Variants in PSPC1 observed in about 807,000 individuals in gnomAD.
PSPC1 encodes paraspeckle component 1, also known as paraspeckle protein 1.
A neutral mutation model predicts 51.6 loss-of-function variants in PSPC1; 14 were observed. The ratio of observed to expected loss-of-function variants is 0.27; its 90% CI spans 0.18 to 0.42. The LOEUF (loss-of-function observed/expected upper bound fraction) is 0.42, where lower values mean the gene tolerates loss of function less well. PSPC1 is among the 10% of genes least tolerant of loss of function. The pLI is 1.00. For missense variants in PSPC1, 406 were observed against 701.1 expected (o/e 0.58, Z 4.75); for synonymous variants, 193 against 231.9 (o/e 0.83, Z 1.53).
chr13:19,744,081 C>T (rs1245905880), intron 4 of PSPC1, among the ~76,000 whole-genome samples: 2 of 152,126 alleles, frequency 1.3e-5, no homozygotes, highest in African/African-American at 4.8e-5. Flanking sequence ...GCACTCCAGC[C>T]TGGGCAACAA....
At chr13:19,770,553 C>G (rs965495542) in intron 2 of PSPC1, among the ~76,000 whole-genome samples, 2 of 151,564 alleles carry the variant, frequency 1.3e-5, no homozygotes, top group African/African-American at 4.8e-5. Context: ...TTTGGGAGGC[C>G]AAGGTGGGTG....
At position 19,736,421 on chromosome 13, in the gene PSPC1, A is replaced by T. The variant is rs145173572; in HGVS notation, c.1052+5144T>A. ...TCTTCAGGCCACGCACAGTGGCTCA[A>T]GCCTGTAATCCCAGCACTTTGGGAG... On this transcript the variant is annotated intron_variant, in intron 5 of 8. Coordinates refer to ENST00000338910, the MANE Select transcript of PSPC1 (RefSeq NM_001354909.2). Among the ~76,000 whole-genome samples the T allele has an allele frequency of 8.0e-3, 1,217 of 152,050 alleles. 13 individuals are homozygous for T. The highest frequency in any genetic ancestry group is 0.028 in the African/African-American group (1,158 of 41,488).
intron 6 of PSPC1, among the ~76,000 whole-genome samples, chr13:19,697,000 G>A (rs1745186675): frequency 6.6e-6 from 1 of 152,164 alleles, no homozygotes; most frequent in East Asian, 1.9e-4. Context: ...GACTTTTGCA[G>A]TGCTTATCAA....
intron 5 of PSPC1, among the ~76,000 whole-genome samples, chr13:19,730,846 C>G (rs1197454777): frequency 6.7e-6 from 1 of 150,276 alleles, no homozygotes; most frequent in Non-Finnish European, 1.5e-5. Context: ...ACTCGAGAGG[C>G]TGAGGCACCA....
At chr13:19,773,596 CTTTTT>C (rs1346653121) in intron 1 of PSPC1, among the ~76,000 whole-genome samples, 7 of 151,970 alleles carry the variant, frequency 4.6e-5, no homozygotes, top group African/African-American at 1.7e-4. Context: ...ATCACCTTTT[CTTTTT>C]ATTTTCATTT....
chr13:19,748,593 T>C (rs1478695380), intron 4 of PSPC1, among the ~76,000 whole-genome samples: 1 of 152,136 alleles, frequency 6.6e-6, no homozygotes, highest in Non-Finnish European at 1.5e-5. Context: ...CATCAATATA[T>C]CCTCAGTACC....
chr13:19,706,939 A>G (rs188830814), intron 7 of PSPC1, among the ~76,000 whole-genome samples: 1 of 152,300 alleles, frequency 6.6e-6, no homozygotes, highest in Admixed American at 6.5e-5. Context: ...TATTTCCTTC[A>G]TCCCCAAATG....
chr13:19,674,379 G>T (rs1189360498), downstream of PSPC1, among the ~76,000 whole-genome samples: 3 of 152,178 alleles, frequency 2.0e-5, no homozygotes, highest in African/African-American at 4.8e-5. Flanking sequence ...AGTAAATCCT[G>T]TATTGATTCT....
chr13:19,761,720 G>A (rs539436418), intron 2 of PSPC1, among the ~76,000 whole-genome samples: 3 of 152,204 alleles, frequency 2.0e-5, no homozygotes, highest in East Asian at 3.9e-4. Context: ...CTTAAGATGT[G>A]GTACTTCTAA....
intron 5 of PSPC1, among the ~76,000 whole-genome samples, chr13:19,741,167 C>T (rs912670337): frequency 6.6e-6 from 1 of 152,126 alleles, no homozygotes; most frequent in African/African-American, 2.4e-5. Context: ...AGCTACTGCC[C>T]CCAGCCTCAG....
intron 2 of PSPC1, among the ~76,000 whole-genome samples, chr13:19,766,855 G>A (rs1217655173): frequency 8.1e-5 from 12 of 148,284 alleles, no homozygotes; most frequent in African/African-American, 2.7e-4. Context: ...ACATTGCCTC[G>A]AGGAAAAAAA....
chr13:19,709,738 T>C (rs1319494185), intron 6 of PSPC1, 139 bp from the exon 7 acceptor site: 9 of 703,018 alleles, frequency 1.3e-5, no homozygotes, highest in Non-Finnish European at 2.1e-5. Flanking sequence ...ATCATAAACT[T>C]AATAAGAATG....
chr13:19,690,306 T>C (rs1019220175), intron 6 of PSPC1, among the ~76,000 whole-genome samples: 12 of 152,232 alleles, frequency 7.9e-5, no homozygotes, highest in African/African-American at 2.9e-4. Context: ...TGATCACCTA[T>C]AGAAACTATA....
At chr13:19,716,671 C>G (rs927377369) in intron 6 of PSPC1, among the ~76,000 whole-genome samples, 4 of 151,932 alleles carry the variant, frequency 2.6e-5, no homozygotes, top group Admixed American at 6.6e-5. Context: ...ATATATAATT[C>G]TAGAGAAAAA....
At position 19,738,348 on chromosome 13, in the gene PSPC1, C is replaced by T. The variant is rs185802267; in HGVS notation, c.1052+3217G>A. The stretch of plus-strand genomic sequence containing the variant: ...GCAGGGGATTGGTTCCAGAACCTCC[C>T]CCAGATACCAGAATCCACTGATGCT... On this transcript the variant is annotated intron_variant, in intron 5 of 8. Coordinates refer to ENST00000338910, the MANE Select transcript of PSPC1 (RefSeq NM_001354909.2). Among the ~76,000 whole-genome samples the T allele has an allele frequency of 1.3e-3, 197 of 152,152 alleles. 1 individual carries two copies. The highest frequency in any genetic ancestry group is 4.5e-3 in the African/African-American group (185 of 41,522).
intron 6 of PSPC1, among the ~76,000 whole-genome samples, chr13:19,691,825 G>A (rs1248556575): frequency 1.3e-5 from 2 of 152,092 alleles, no homozygotes; most frequent in Admixed American, 6.5e-5. Context: ...GGCTGAGGCA[G>A]GACAATCACT....
chr13:19,776,039 A>C (rs1889087036), intron 1 of PSPC1, among the ~76,000 whole-genome samples: 2 of 152,088 alleles, frequency 1.3e-5, no homozygotes, highest in African/African-American at 4.8e-5. Context: ...TGACAGAGCA[A>C]GACTCCATCT....
At chr13:19,693,601 A>G (rs970393455) in intron 6 of PSPC1, among the ~76,000 whole-genome samples, 7 of 152,248 alleles carry the variant, frequency 4.6e-5, no homozygotes, top group African/African-American at 1.7e-4. Context: ...TCTTGTATGT[A>G]CGACCAAACC....
chr13:19,777,489 C>T (rs1186355475), intron 1 of PSPC1, among the ~76,000 whole-genome samples: 3 of 149,588 alleles, frequency 2.0e-5, no homozygotes, highest in African/African-American at 7.4e-5. Flanking sequence ...AAATGGCGAG[C>T]TGTCTCTGAT....
Sources: gnomAD v4.1 joint callset for allele counts (sites outside exome capture counted in the v4.1 genomes callset) on GRCh38, gnomAD v4.1.1 for gene constraint, MANE v1.5 for transcripts, NCBI Gene and HGNC (gene_info 2026-07-23, HGNC 2026-07-21) for gene names.